Variants in INTS7 observed in about 807,000 individuals in gnomAD.
The protein encoded by INTS7 is integrator complex subunit 7.
Under a neutral mutation model 109.2 loss-of-function variants are expected in INTS7, and 46 were observed. The observed-to-expected ratio is 0.42, with a 90% CI of 0.33 to 0.54. The LOEUF is 0.54. INTS7 is among the 20% of genes least tolerant of loss of function. The pLI is 0.07. For missense variants in INTS7, 929 were observed against 1,132.4 expected, an observed-to-expected ratio of 0.82 and a Z score of 2.58; for synonymous variants, 412 against 402.9, an observed-to-expected ratio of 1.02 and a Z score of -0.27.
At chr1:211,966,291 C>A in intron 16 of INTS7, 139 bp downstream of exon 16, 1 of 505,052 alleles carries the variant, frequency 2.0e-6, no homozygotes, top group East Asian at 3.2e-5. Flanking sequence ...AGTTATGTGA[C>A]CCACAAAAAA....
At chr1:212,000,220 G>A (rs1358475507) in intron 7 of INTS7, among the ~76,000 whole-genome samples, 1 of 152,180 alleles carries the variant, frequency 6.6e-6, no homozygotes, top group African/African-American at 2.4e-5. Context: ...GACTCTTTAT[G>A]CTGATACTAA....
intron 3 of INTS7, among the ~76,000 whole-genome samples, chr1:212,017,634 T>A (rs1395671363): frequency 6.6e-6 from 1 of 152,256 alleles, no homozygotes; most frequent in African/African-American, 2.4e-5. Context: ...GTTTGTGGTA[T>A]AAACTACAGA....
At chr1:212,026,631 A>G (rs1334277011) in intron 1 of INTS7, among the ~76,000 whole-genome samples, 1 of 152,208 alleles carries the variant, frequency 6.6e-6, no homozygotes, top group Non-Finnish European at 1.5e-5. Context: ...AGGGCAGAGA[A>G]GGGGAAAGAC....
In INTS7 at chr1:211,974,276, A is replaced by AATATATATATATAT. The variant is rs58474002; in HGVS notation, c.1815+876_1815+889dup. On this transcript the variant is annotated intron_variant, in intron 13 of 19. Transcript: ENST00000366994. The stretch of plus-strand genomic sequence containing the variant: ...CAACAATCTCTTCCCAGAAAAAAAA[A>AATATATATATATAT]ATATATATATATATATATATATATA... 1.5e-4 allele frequency among the ~76,000 whole-genome samples: 14 copies of AATATATATATATAT among 92,312 alleles called. No homozygotes were observed. In the East Asian group the frequency reaches 1.7e-3, roughly 11 times the overall value. 60.6% of individuals were successfully genotyped at this position (92,312 alleles called of 152,430 possible).
rs149209153 is a variant in INTS7 at position 211,952,712 on chromosome 1, G to A, written c.2184-11C>T. ...CCATATTCCTGGAAACTGAAGTAAA[G>A]GTCAATATTCATTAATCCATCAAAA... On this transcript the variant is annotated splice_polypyrimidine_tract_variant and intron_variant, in intron 16 of 19. Coordinates refer to ENST00000366994, the MANE Select transcript of INTS7 (RefSeq NM_015434.4). 5.6e-4 allele frequency: 901 copies of A among 1,608,498 alleles called. 16 individuals carry two copies. In the East Asian group the frequency reaches 0.02, roughly 35 times the overall value.
chr1:212,001,187 C>G (rs999511043), intron 7 of INTS7, among the ~76,000 whole-genome samples: 2 of 151,992 alleles, frequency 1.3e-5, no homozygotes, highest in Non-Finnish European at 1.5e-5. Context: ...CTGCCTCAGC[C>G]TCCCAAAGTA....
At chr1:212,013,388 ATGTT>A (rs555189567) in intron 4 of INTS7, among the ~76,000 whole-genome samples, 1 of 152,358 alleles carries the variant, frequency 6.6e-6, no homozygotes, top group South Asian at 2.1e-4. Flanking sequence ...ATACAGCTGT[ATGTT>A]TGTATTTTAA....
intron 5 of INTS7, 133 bp from the exon 6 acceptor site, chr1:212,007,582 G>C: frequency 4.9e-6 from 3 of 616,156 alleles, no homozygotes; most frequent in Non-Finnish European, 8.6e-6. Flanking sequence ...TAACATTAAA[G>C]ATTATACTAG....
Position 211,989,778 on chromosome 1 carries a change from C to T in INTS7, c.880-1775G>A, listed in dbSNP as rs1287118919. Reference sequence around the variant, plus strand: ...CAGAGGTTGCAGTGAGCCAAGATCGCGCCACTGTATTCCAGCCAGGGCGAC... The same window carrying T: ...CAGAGGTTGCAGTGAGCCAAGATCGTGCCACTGTATTCCAGCCAGGGCGAC... On this transcript the variant is annotated intron_variant, in intron 7 of 19. Coordinates refer to ENST00000366994, the MANE Select transcript of INTS7 (RefSeq NM_015434.4). Among the ~76,000 whole-genome samples the T allele has an allele frequency of 5.3e-5, 8 of 149,590 alleles. No homozygotes were observed. The East Asian group carries it at 9.8e-4, about 18-fold the overall frequency.
rs201949615 is a variant in INTS7, at chr1:211,944,906, G to A, written c.2479C>T (p.Leu827=). The change falls in exon 19 of 20, where the codon CTG becomes TTG. Residue 827 remains leucine (L), a synonymous_variant. Coordinates refer to ENST00000366994, the MANE Select transcript of INTS7 (RefSeq NM_015434.4). The part of the protein sequence containing the change: ...EPIAVQNNQQ[L]ALKVEGVVQH... ...ACCACTCCCTCTACCTTTAGCGCCA[G>A]CTGCTGGTTATTCTGGACAGCAATG... is the stretch of plus-strand genomic sequence containing the variant. 2.5e-5 allele frequency: 40 copies of A among 1,614,090 alleles called. No individual in the cohort carries two copies. The highest frequency in any genetic ancestry group is 3.2e-5 in the Non-Finnish European group (38 of 1,180,024).
intron 16 of INTS7, among the ~76,000 whole-genome samples, chr1:211,962,625 T>C (rs570062850): frequency 1.1e-3 from 170 of 152,298 alleles, no homozygotes; most frequent in African/African-American, 3.9e-3. Flanking sequence ...AGCCACACAG[T>C]TGGACACAAA....
In INTS7 at chr1:211,968,543, G is replaced by A. The variant is rs747457858; in HGVS notation, c.1980C>T (p.Asp660=). The A allele has an allele frequency of 4.3e-6, 7 of 1,613,758 alleles. No homozygotes were observed. In the East Asian group the frequency reaches 1.6e-4, roughly 36 times the overall value. The change falls in exon 14 of 20, where the codon GAC becomes GAT. Residue 660 remains aspartate (D), a synonymous_variant. Transcript: ENST00000366994. ...ATTIAMTLGN[D]LQRCGRISNQ... is the part of the protein sequence containing the mutation. ...TGGAGATGCGACCACACCTCTGGAG[G>A]TCATTTCCTAAGGTCATGGCAATTG... is the stretch of plus-strand genomic sequence containing the variant.
At chr1:211,995,367 A>C (rs185020485) in intron 7 of INTS7, among the ~76,000 whole-genome samples, 2,096 of 152,280 alleles carry the variant, frequency 0.014, 25 homozygotes, top group Non-Finnish European at 0.021. Context: ...AAAGAGGTAA[A>C]CTGTTTTTTC....
At chr1:212,009,591 G>C (rs1255642495) in intron 5 of INTS7, among the ~76,000 whole-genome samples, 1 of 152,180 alleles carries the variant, frequency 6.6e-6, no homozygotes, top group Non-Finnish European at 1.5e-5. Context: ...TCTTTAACCT[G>C]TACCCTTAGA....
intron 16 of INTS7, among the ~76,000 whole-genome samples, chr1:211,957,195 C>G (rs1034896147): frequency 6.6e-6 from 1 of 152,174 alleles, no homozygotes; most frequent in African/African-American, 2.4e-5. Flanking sequence ...CATGTGCCTA[C>G]TGGATATTAA....
intron 17 of INTS7, among the ~76,000 whole-genome samples, chr1:211,948,394 G>A (rs1662932799): frequency 6.6e-6 from 1 of 152,232 alleles, no homozygotes; most frequent in Non-Finnish European, 1.5e-5. Context: ...AGTATTTGCA[G>A]AGACATCCAC....
At chr1:212,026,544 C>G (rs1666928120) in intron 1 of INTS7, among the ~76,000 whole-genome samples, 1 of 149,032 alleles carries the variant, frequency 6.7e-6, no homozygotes, top group Non-Finnish European at 1.5e-5. Context: ...AGGGATAATT[C>G]TAAGTAGCTG....
intron 5 of INTS7, among the ~76,000 whole-genome samples, chr1:212,008,575 G>A (rs192731018): frequency 1.3e-5 from 2 of 152,046 alleles, no homozygotes; most frequent in South Asian, 2.1e-4. Context: ...GTGAAAGGCT[G>A]CCACCCATCC....
intron 1 of INTS7, chr1:212,030,836 C>T (rs568822685): frequency 1.3e-5 from 2 of 152,236 alleles, no homozygotes; most frequent in Admixed American, 1.3e-4. Context: ...CCAACAACAT[C>T]TGAGCCATAT....
Sources: gnomAD v4.1 joint callset for allele counts (sites outside exome capture counted in the v4.1 genomes callset) on GRCh38, gnomAD v4.1.1 for gene constraint, MANE v1.5 for transcripts, NCBI Gene and HGNC (gene_info 2026-07-23, HGNC 2026-07-21) for gene names.